Variants in DMD observed in about 807,000 individuals in gnomAD.
DMD encodes dystrophin.
Under a neutral mutation model 330.1 loss-of-function variants are expected in DMD, and 63 were observed. That is an observed-to-expected ratio of 0.19 (90% CI 0.16 to 0.24). The LOEUF is 0.24. DMD is among the 10% of genes least tolerant of loss of function. The pLI, the probability that DMD is intolerant of heterozygous loss-of-function variation, is 1.00. For synonymous variants in DMD, 1,223 were observed against 959.8 expected, an observed-to-expected ratio of 1.27 and a Z score of -5.07; for missense variants, 3,344 against 2,684.1, an observed-to-expected ratio of 1.25 and a Z score of -5.43.
At chrX:31,272,508 T>C (rs1330720043) in intron 62 of DMD, among the ~76,000 whole-genome samples, 2 of 112,335 alleles carry the variant, frequency 1.8e-5, no homozygotes, top group Non-Finnish European at 3.8e-5. Flanking sequence ...ATTTCAAAAC[T>C]GGGCAGAAAT....
intron 62 of DMD, among the ~76,000 whole-genome samples, chrX:31,296,234 T>A (rs1339063071): frequency 9.0e-6 from 1 of 111,443 alleles, no homozygotes; most frequent in Non-Finnish European, 1.9e-5. Context: ...ATAAACTGAA[T>A]GATTGCTCTA....
chrX:31,557,883 C>A (rs113053473), intron 55 of DMD, among the ~76,000 whole-genome samples: 15,701 of 110,369 alleles, frequency 0.14, 887 homozygotes, highest in Middle Eastern at 0.24. Context: ...CCCCACTGGG[C>A]TACGAGGAGT....
chrX:32,950,890 C>T lies in DMD; in HGVS notation c.93+69249G>A, dbSNP rs185831695. ...GAACCATGTGCTATAAGCTAGGTCC[C>T]GGGAGTAAAAGGCGGGAGTAAGCTG... is the stretch of plus-strand genomic sequence containing the variant. On this transcript the variant is annotated intron_variant, in intron 2 of 78. Coordinates refer to ENST00000357033, the MANE Select transcript of DMD (RefSeq NM_004006.3). 1.9e-3 allele frequency among the ~76,000 whole-genome samples: 207 copies of T among 111,306 alleles called. 1 individual carries two copies. The highest frequency in any genetic ancestry group is 6.1e-3 in the African/African-American group (187 of 30,637).
intron 1 of DMD, among the ~76,000 whole-genome samples, chrX:33,061,885 T>G (rs147234252): frequency 0.025 from 2,815 of 111,346 alleles, 87 homozygotes; most frequent in African/African-American, 0.087. Flanking sequence ...AGGTGTCCCT[T>G]TTACTTAAAA....
chrX:31,404,508 T>C lies in DMD; in HGVS notation c.9084+39973A>G, dbSNP rs192389346. 4.2e-4 allele frequency among the ~76,000 whole-genome samples: 47 copies of C among 112,072 alleles called. 1 individual carries two copies. Among genetic ancestry groups the C allele is most frequent in the African/African-American group, 1.5e-3 (46 of 30,917 alleles). ...TTGAACATGGACAAAATGCAATCAA[T>C]ATAATCCATAACACTGCACAGATGT... On this transcript the variant is annotated intron_variant, in intron 60 of 78. Coordinates refer to ENST00000357033, the MANE Select transcript of DMD (RefSeq NM_004006.3).
At chrX:32,923,779 T>C (rs1420910091) in intron 2 of DMD, among the ~76,000 whole-genome samples, 1 of 111,685 alleles carries the variant, frequency 9.0e-6, no homozygotes, top group Non-Finnish European at 1.9e-5. Context: ...TCAGGGATTG[T>C]CTGGTTTTAT....
At chrX:32,143,545 T>A (rs1454010923) in intron 44 of DMD, among the ~76,000 whole-genome samples, 4 of 109,489 alleles carry the variant, frequency 3.7e-5, no homozygotes, top group Non-Finnish European at 7.6e-5. Flanking sequence ...AATACATTTT[T>A]TTTTTTTTTC....
intron 62 of DMD, among the ~76,000 whole-genome samples, chrX:31,293,968 C>G (rs1269452268): frequency 3.6e-5 from 4 of 111,031 alleles, no homozygotes; most frequent in Non-Finnish European, 7.5e-5. Context: ...TCAGCCTGGG[C>G]AACATGGTGA....
chrX:32,557,767 T>C (rs1168398989), intron 16 of DMD, among the ~76,000 whole-genome samples: 4 of 111,027 alleles, frequency 3.6e-5, no homozygotes, highest in African/African-American at 1.3e-4. Flanking sequence ...GATCAGATGG[T>C]CACAAAGGAA....
chrX:32,267,298 A>T (rs969057618), intron 43 of DMD, among the ~76,000 whole-genome samples: 5 of 111,873 alleles, frequency 4.5e-5, no homozygotes, highest in African/African-American at 1.6e-4. Flanking sequence ...CTGTCATCTA[A>T]TTGGGCTAGA....
chrX:31,843,604 A>T (rs1416390950), intron 48 of DMD, among the ~76,000 whole-genome samples: 1 of 111,281 alleles, frequency 9.0e-6, no homozygotes, highest in Admixed American at 9.5e-5. Context: ...TAGATTATGG[A>T]TATTAGATCT....
chrX:32,381,859 C>T (rs1236817609), intron 33 of DMD, among the ~76,000 whole-genome samples: 1 of 110,744 alleles, frequency 9.0e-6, no homozygotes, highest in African/African-American at 3.3e-5. Context: ...ATATTTGGCT[C>T]TGCAGAAACA....
chrX:32,538,569 CT>C (rs1479185142), intron 17 of DMD, among the ~76,000 whole-genome samples: 3 of 111,269 alleles, frequency 2.7e-5, no homozygotes, highest in African/African-American at 9.8e-5. Context: ...GTTTGGTGGT[CT>C]CTTCACACGG....
intron 1 of DMD, among the ~76,000 whole-genome samples, chrX:33,025,244 T>C (rs1407653138): frequency 1.8e-5 from 2 of 111,788 alleles, no homozygotes; most frequent in Non-Finnish European, 3.8e-5. Context: ...AGGATAAAGA[T>C]GAATCTCACT....
At chrX:31,529,588 C>T (rs1309365411) in intron 55 of DMD, among the ~76,000 whole-genome samples, 1 of 110,717 alleles carries the variant, frequency 9.0e-6, no homozygotes, top group Non-Finnish European at 1.9e-5. Context: ...TGTGACACGA[C>T]GTTCTCTTTC....
chrX:32,939,526 T>C (rs1299611302), intron 2 of DMD, among the ~76,000 whole-genome samples: 1 of 111,467 alleles, frequency 9.0e-6, no homozygotes, highest in African/African-American at 3.2e-5. Context: ...TGTACATTTA[T>C]GAAGAAAGGA....
chrX:32,071,471 A>G (rs1272979992), intron 44 of DMD, among the ~76,000 whole-genome samples: 3 of 91,940 alleles, frequency 3.3e-5, no homozygotes, highest in Non-Finnish European at 6.4e-5. Flanking sequence ...GAACACATGG[A>G]CACAGGAAGG....
intron 55 of DMD, among the ~76,000 whole-genome samples, chrX:31,575,288 A>C (rs2076040399): frequency 1.8e-5 from 2 of 111,968 alleles, no homozygotes; most frequent in African/African-American, 6.5e-5. Flanking sequence ...CAGAAATAAT[A>C]TGTGGACTAT....
intron 59 of DMD, among the ~76,000 whole-genome samples, chrX:31,467,671 T>C (rs2066956355): frequency 8.9e-6 from 1 of 112,074 alleles, no homozygotes. Flanking sequence ...AGGATGATGC[T>C]GGCCTCATAA....
Sources: gnomAD v4.1 joint callset for allele counts (sites outside exome capture counted in the v4.1 genomes callset) on GRCh38, gnomAD v4.1.1 for gene constraint, MANE v1.5 for transcripts, NCBI Gene and HGNC (gene_info 2026-07-23, HGNC 2026-07-21) for gene names.